Variants in SPEG observed in about 807,000 individuals in gnomAD.
SPEG encodes striated muscle enriched protein kinase.
In SPEG, 114 loss-of-function variants were observed where a neutral mutation model predicts 300.4. The ratio of observed to expected loss-of-function variants is 0.38; its 90% CI spans 0.33 to 0.44. The LOEUF (loss-of-function observed/expected upper bound fraction) is 0.44, where lower values mean the gene tolerates loss of function less well. Among genes scored for constraint, SPEG ranks in the 20% least tolerant of loss-of-function variants. The probability of loss-of-function intolerance (pLI) is 1.00; values close to 1 mark genes in which losing one functional copy is unlikely to be tolerated. For missense variants in SPEG, 4,201 were observed against 4,586.2 expected (o/e 0.92, Z 2.43); for synonymous variants, 1,964 against 2,018.9 (o/e 0.97, Z 0.73).
rs764488590 is a variant in SPEG at position 219,444,058 on chromosome 2, C to T, written c.389-595C>T. On this transcript the variant is annotated intron_variant, in intron 1 of 40. Coordinates refer to ENST00000312358, the MANE Select transcript of SPEG (RefSeq NM_005876.5). This position sits in a 1 kb window ranked among gnomAD's most constrained non-coding sequence, Gnocchi z 7.8. ...TCCGCTCCTGCAGAAAGCAAAGTTA[C>T]GGTAGGAAACTGGCTCCTGCTCTAG... 3.2e-5 allele frequency: 44 copies of T among 1,365,324 alleles called. No individual in the cohort carries two copies. The highest frequency in any genetic ancestry group is 4.4e-5 in the African/African-American group (3 of 67,746). The allele number at this position is 1,365,324 out of a possible 1,614,324, so 84.6% of individuals were successfully genotyped here.
rs746620548 is a variant in SPEG at position 219,448,009 on chromosome 2, C to T, written c.851C>T (p.Pro284Leu). The T allele has an allele frequency of 7.4e-6, 12 of 1,612,434 alleles. No individual in the cohort carries two copies. Among genetic ancestry groups the T allele is most frequent in the East Asian group, 2.2e-5 (1 of 44,874 alleles). The change falls in exon 4 of 41, where the codon CCC (proline) becomes CTC (leucine). Residue 284 changes from proline (P) to leucine (L), a missense_variant. Physicochemically the swap from Pro to Leu is moderately conservative, Grantham distance 98. This residue lies in a region of SPEG where 1,258 missense variants were observed against 1,293.9 expected (regional missense o/e 0.97). Transcript: ENST00000312358. ...CAGAGCGGGTTGCGCAGGGAGGAGC[C>T]CGACCTTCAGCCTCAACTGGCCAGC... ...VPQSGLRREE[P>L]DLQPQLASEA...
chr2:219,484,095 C>T lies in SPEG; in HGVS notation c.6632C>T (p.Ala2211Val), dbSNP rs1314054673. 2 of 1,613,692 alleles carry T rather than the reference C, an allele frequency of 1.2e-6. No homozygotes were observed. Among genetic ancestry groups the T allele is most frequent in the Admixed American group, 3.3e-5 (2 of 60,018 alleles). Residue 2211 changes from alanine (A) to valine (V), a missense_variant, in exon 30 of 41, where the codon GCC becomes GTC. Physicochemically the swap from Ala to Val is moderately conservative, Grantham distance 64. Coordinates refer to ENST00000312358, the MANE Select transcript of SPEG (RefSeq NM_005876.5). ...DAPQPPAPQPAQDKAPEPRPE... is the reference protein window; with the variant it reads ...DAPQPPAPQPVQDKAPEPRPE... ...CCGCAGCCCCCCGCACCCCAGCCTG[C>T]CCAAGACAAGGCTCCAGAGCCCAGG... is the stretch of plus-strand genomic sequence containing the variant.
intron 9 of SPEG, chr2:219,466,345 C>A: frequency 2.1e-6 from 3 of 1,400,270 alleles, no homozygotes; most frequent in Middle Eastern, 5.3e-4. Flanking sequence ...GGGGTATCAA[C>A]CCCCCGAGTC....
rs1689722156 is a variant in SPEG, at chr2:219,451,258, A to C, written c.2236A>C (p.Thr746Pro). The change falls in exon 5 of 41, where the codon ACT (threonine) becomes CCT (proline). Residue 746 changes from threonine to proline, a missense_variant. By Grantham distance (38) the Thr-to-Pro change is conservative. Coordinates refer to ENST00000312358, the MANE Select transcript of SPEG (RefSeq NM_005876.5). This position sits in a 1 kb window ranked among gnomAD's most constrained non-coding sequence, Gnocchi z 6.4. ...GADVLLKCIITANPPPQVSWH... is the reference protein window; with the variant it reads ...GADVLLKCIIPANPPPQVSWH... Reference sequence around the variant, plus strand: ...AGATGTGCTGCTCAAGTGTATCATCACTGCCAACCCCCCGCCCCAAGGTGA... The same window carrying C: ...AGATGTGCTGCTCAAGTGTATCATCCCTGCCAACCCCCCGCCCCAAGGTGA... The C allele has an allele frequency of 6.2e-6, 10 of 1,612,178 alleles. No individual in the cohort carries two copies. Among genetic ancestry groups the C allele is most frequent in the Non-Finnish European group, 8.5e-6 (10 of 1,179,328 alleles).
intron 8 of SPEG, among the ~76,000 whole-genome samples, 155 bp downstream of exon 8, chr2:219,462,541 G>A (rs535769369): frequency 3.1e-4 from 47 of 152,332 alleles, no homozygotes; most frequent in South Asian, 8.3e-4. Context: ...TACTCCCCCC[G>A]GCACCCTGTC....
chr2:219,462,844 G>A (rs568538012), intron 8 of SPEG, among the ~76,000 whole-genome samples: 3 of 152,346 alleles, frequency 2.0e-5, no homozygotes, highest in Non-Finnish European at 2.9e-5. Flanking sequence ...CTTGACCCTG[G>A]GAGGTGGAAG....
In SPEG at chr2:219,443,476, A is replaced by G. The variant is rs1575039921; in HGVS notation, c.389-1177A>G. 2.4e-6 allele frequency: 1 copy of G among 412,590 alleles called. No individual in the cohort carries two copies. The highest frequency in any genetic ancestry group is 3.0e-5 in the South Asian group (1 of 33,030). The allele number at this position is 412,590 out of a possible 1,614,324, so 25.6% of individuals were successfully genotyped here. On this transcript the variant is annotated intron_variant, in intron 1 of 40. Transcript: ENST00000312358. This position sits in a 1 kb window ranked among gnomAD's most constrained non-coding sequence, Gnocchi z 4.6. Reference sequence around the variant, plus strand: ...CCTGCTTGTCATGGCAGCCAGAGGGAAACTGAGGCACAGAACCTGCTAGAA... The same window carrying G: ...CCTGCTTGTCATGGCAGCCAGAGGGGAACTGAGGCACAGAACCTGCTAGAA...
At position 219,451,825 on chromosome 2, in the gene SPEG, C is replaced by G. The variant is rs1274722251; in HGVS notation, c.2440+18C>G. On this transcript the variant is annotated intron_variant, in intron 6 of 40. Coordinates refer to ENST00000312358, the MANE Select transcript of SPEG (RefSeq NM_005876.5). This position sits in a 1 kb window ranked among gnomAD's most constrained non-coding sequence, Gnocchi z 6.4. ...GAGACCCGGTAGGGAGCCCATCAAC[C>G]CTGGGGCTGGGTGGGGGCAAGCCGT... 1.3e-5 allele frequency: 20 copies of G among 1,511,148 alleles called. No individual in the cohort carries two copies. The highest frequency in any genetic ancestry group is 1.8e-5 in the Non-Finnish European group (20 of 1,123,600). The allele number at this position is 1,511,148 out of a possible 1,614,324, so 93.6% of individuals were successfully genotyped here.
At chr2:219,471,678 G>GAACCCAT in intron 13 of SPEG, 190 bp from the exon 14 acceptor site, 1 of 658,104 alleles carries the variant, frequency 1.5e-6, no homozygotes, top group South Asian at 1.9e-5. Flanking sequence ...AGCCAGCCCG[G>GAACCCAT]GCCCAGACCC....
chr2:219,435,836 A>G (rs1954704585), intron 1 of SPEG, among the ~76,000 whole-genome samples: 1 of 152,156 alleles, frequency 6.6e-6, no homozygotes, highest in South Asian at 2.1e-4. Flanking sequence ...AGCTCCCTGC[A>G]GGCCATTGCC....
chr2:219,486,988 C>T (rs913186938), intron 31 of SPEG, among the ~76,000 whole-genome samples: 2 of 152,130 alleles, frequency 1.3e-5, no homozygotes, highest in South Asian at 2.1e-4. Context: ...TCCTCTTCTG[C>T]CTGGCTCATC....
intron 6 of SPEG, among the ~76,000 whole-genome samples, chr2:219,456,218 A>C (rs1196359661): frequency 6.6e-6 from 1 of 152,244 alleles, no homozygotes; most frequent in Non-Finnish European, 1.5e-5. Flanking sequence ...ATTGGGGGCC[A>C]TGAAAACAAA....
rs1005163459 is a variant in SPEG, at chr2:219,449,215, G to C, written c.2057G>C (p.Arg686Pro). The change falls in exon 4 of 41, where the codon CGA (arginine) becomes CCA (proline). Residue 686 changes from arginine (R) to proline (P), a missense_variant. Around this residue, in one of 4 missense-constraint regions of SPEG, gnomAD observed 1,258 missense variants for 1,293.9 expected, o/e 0.97. Transcript: ENST00000312358. ...EDGPWGPWDR[R>P]GARSQGKGRR... ...GGTCCCTGGGGGCCCTGGGACCGCC[G>C]AGGGGCCCGCAGCCAGGGCAAAGGT... The C allele has an allele frequency of 1.4e-6, 2 of 1,393,546 alleles. No homozygotes were observed. Among genetic ancestry groups the C allele is most frequent in the African/African-American group, 3.1e-5 (2 of 65,206 alleles). The allele number at this position is 1,393,546 out of a possible 1,614,324, so 86.3% of individuals were successfully genotyped here. A position where few individuals can be genotyped will look rare whatever the true frequency, so the allele number is the denominator to read the frequency against.
At chr2:219,491,388 G>A (rs1693959743) in intron 38 of SPEG, among the ~76,000 whole-genome samples, 1 of 152,186 alleles carries the variant, frequency 6.6e-6, no homozygotes, top group South Asian at 2.1e-4. Context: ...GGCAGGTTTA[G>A]TAAATCGCCC....
At position 219,464,167 on chromosome 2, in the gene SPEG, T is replaced by C. The variant is rs1377487577; in HGVS notation, c.2706-266T>C. ...AGAAAAAAGAGCTAAATAGCACGGCTCCACTCTGAATGCAGCAGGGTTCCG... is the reference window on the plus strand; with the variant it reads ...AGAAAAAAGAGCTAAATAGCACGGCCCCACTCTGAATGCAGCAGGGTTCCG... On this transcript the variant is annotated intron_variant, in intron 8 of 40. Coordinates refer to ENST00000312358, the MANE Select transcript of SPEG (RefSeq NM_005876.5). This position sits in a 1 kb window ranked among gnomAD's most constrained non-coding sequence, Gnocchi z 4.5. 6.7e-6 allele frequency among the ~76,000 whole-genome samples: 1 copy of C among 150,026 alleles called. No individual in the cohort carries two copies. The highest frequency in any genetic ancestry group is 1.5e-5 in the Non-Finnish European group (1 of 67,616).
chr2:219,458,263 C>T lies in SPEG; in HGVS notation c.2441-3619C>T, dbSNP rs533867208. On this transcript the variant is annotated intron_variant, in intron 6 of 40. Coordinates refer to ENST00000312358, the MANE Select transcript of SPEG (RefSeq NM_005876.5). This position sits in a 1 kb window ranked among gnomAD's most constrained non-coding sequence, Gnocchi z 4.2. Reference sequence around the variant, plus strand: ...ACAGAGGTGAGGCTAGGCATGACACCCAGCCACAAGGGTCATGAGGCTCTG... The same window carrying T: ...ACAGAGGTGAGGCTAGGCATGACACTCAGCCACAAGGGTCATGAGGCTCTG... Among the ~76,000 whole-genome samples, 14 of 152,264 alleles carry T rather than the reference C, an allele frequency of 9.2e-5. No individual in the cohort carries two copies. In the South Asian group the frequency reaches 2.9e-3, roughly 32 times the overall value.
At chr2:219,491,955 G>T in intron 39 of SPEG, 86 bp downstream of exon 39, 1 of 1,367,098 alleles carries the variant, frequency 7.3e-7, no homozygotes. Context: ...TCTCCCCCGT[G>T]CCCCACCTCC....
rs779403233 is a variant in SPEG, at chr2:219,489,131, A to G, written c.8227A>G (p.Thr2743Ala). ...CGTGACCCACCTGCCAGTTGGCGTG[A>G]CTGTGAGGTTCCGTGTGGCCTGTGC... ...YNVTHLPVGVTVRFRVACANR... is the reference protein window; with the variant it reads ...YNVTHLPVGVAVRFRVACANR... The change falls in exon 35 of 41, where the codon ACT (threonine) becomes GCT (alanine). Residue 2743 changes from threonine to alanine, a missense_variant. This residue lies in a region of SPEG where 1,578 missense variants were observed against 1,506.0 expected (regional missense o/e 1.05). Transcript: ENST00000312358. The G allele has an allele frequency of 1.2e-6, 2 of 1,613,898 alleles. No homozygotes were observed. The highest frequency in any genetic ancestry group is 1.7e-6 in the Non-Finnish European group (2 of 1,179,930).
In SPEG at chr2:219,439,189, T is replaced by G. The variant is rs187459346; in HGVS notation, c.388+3824T>G. On this transcript the variant is annotated intron_variant, in intron 1 of 40. Transcript: ENST00000312358. This position sits in a 1 kb window ranked among gnomAD's most constrained non-coding sequence, Gnocchi z 4.5. ...AGGACAGAGAAGGGGGAAGGCTGGA[T>G]GAGTGGAAGCCGTTGCAGGAAGATT... Among the ~76,000 whole-genome samples the G allele has an allele frequency of 6.1e-4, 93 of 152,194 alleles. No individual in the cohort carries two copies. Among genetic ancestry groups the G allele is most frequent in the African/African-American group, 2.1e-3 (89 of 41,526 alleles).
Sources: allele counts gnomAD v4.1 joint callset (sites outside exome capture counted in the v4.1 genomes callset), GRCh38; gene constraint gnomAD v4.1.1; regional missense constraint gnomAD v4.1.1; non-coding constraint Gnocchi (gnomAD v3.1); transcripts MANE v1.5; gene names NCBI Gene and HGNC (gene_info 2026-07-23, HGNC 2026-07-21).